Variants in RUFY1 observed in about 807,000 individuals in gnomAD.
RUFY1 encodes RUN and FYVE domain containing 1.
A neutral mutation model predicts 94.6 loss-of-function variants in RUFY1; 54 were observed. The observed-to-expected ratio is 0.57, with a 90% CI of 0.46 to 0.72. RUFY1 has a LOEUF of 0.72. Ranked by LOEUF, RUFY1 falls within the 30% of genes least tolerant of loss-of-function variation. RUFY1 has a pLI of 0.00. For synonymous variants in RUFY1, 396 were observed against 347.3 expected, an observed-to-expected ratio of 1.14 and a Z score of -1.56; for missense variants, 883 against 883.9, an observed-to-expected ratio of 1.00 and a Z score of 0.01.
chr5:179,609,602 A>C lies in RUFY1; in HGVS notation c.*83A>C. On this transcript the variant is annotated 3_prime_UTR_variant, in exon 18 of 18. Coordinates refer to ENST00000319449, the MANE Select transcript of RUFY1 (RefSeq NM_025158.5). ...GGGCTTGGGAAATGTGTTCTTTCCC[A>C]AGAGTATCAAAGGAAAGAATCAAAT... The C allele has an allele frequency of 7.6e-7, 1 of 1,315,874 alleles. No individual in the cohort carries two copies. Among genetic ancestry groups the C allele is most frequent in the Non-Finnish European group, 1.0e-6 (1 of 990,724 alleles). The allele number at this position is 1,315,874 out of a possible 1,614,324, so 81.5% of individuals were successfully genotyped here. A position where few individuals can be genotyped will look rare whatever the true frequency, so the allele number is the denominator to read the frequency against.
chr5:179,596,469 A>G lies in RUFY1; in HGVS notation c.1512-93A>G, dbSNP rs547948475. On this transcript the variant is annotated intron_variant, in intron 12 of 17. Coordinates refer to ENST00000319449, the MANE Select transcript of RUFY1 (RefSeq NM_025158.5). Reference sequence around the variant, plus strand: ...AACTCACAAGAGTTAATTTTACTGTATGGTAATTTTAAAAATGAATTTCAG... The same window carrying G: ...AACTCACAAGAGTTAATTTTACTGTGTGGTAATTTTAAAAATGAATTTCAG... 9 of 1,461,238 alleles carry G rather than the reference A, an allele frequency of 6.2e-6. No individual in the cohort carries two copies. In the East Asian group the frequency reaches 2.0e-4, roughly 33 times the overall value. 90.5% of individuals were successfully genotyped at this position (1,461,238 alleles called of 1,614,324 possible). A position where few individuals can be genotyped will look rare whatever the true frequency, so the allele number is the denominator to read the frequency against.
intron 16 of RUFY1, chr5:179,607,242 G>T: frequency 3.0e-6 from 1 of 336,566 alleles, no homozygotes; most frequent in Admixed American, 4.5e-5. Flanking sequence ...GTCTAGGGTT[G>T]CAGGCACCAG....
intron 8 of RUFY1, chr5:179,586,412 C>T (rs1279432998): frequency 2.2e-6 from 1 of 456,700 alleles, no homozygotes; most frequent in East Asian, 7.0e-5. Context: ...AGTCTCCTTG[C>T]TGGACACATC....
At chr5:179,565,997 G>A (rs1403521032) in intron 3 of RUFY1, among the ~76,000 whole-genome samples, 1 of 151,958 alleles carries the variant, frequency 6.6e-6, no homozygotes, top group African/African-American at 2.4e-5. Context: ...AAAATTAGTT[G>A]GGTGTGGTAG....
intron 7 of RUFY1, among the ~76,000 whole-genome samples, chr5:179,583,860 C>T (rs1764380202): frequency 6.6e-6 from 1 of 152,046 alleles, no homozygotes; most frequent in Non-Finnish European, 1.5e-5. Flanking sequence ...CGCCATTCTC[C>T]TGCCTCAGCC....
At chr5:179,559,237 A>G (rs1427603691) in intron 1 of RUFY1, among the ~76,000 whole-genome samples, 2 of 152,256 alleles carry the variant, frequency 1.3e-5, no homozygotes, top group African/African-American at 2.4e-5. Flanking sequence ...GCCAGCACGT[A>G]TAGATATCTG....
rs778907340 is a variant in RUFY1 at position 179,577,069 on chromosome 5, G to A, written c.829-6G>A. On this transcript the variant is annotated splice_region_variant and splice_polypyrimidine_tract_variant and intron_variant, in intron 5 of 17. Coordinates refer to ENST00000319449, the MANE Select transcript of RUFY1 (RefSeq NM_025158.5). ...TATTTAAACTTGTGCATTTTATTTC[G>A]TTTAGGTTGGAGTAATAGATTTTTC... is the stretch of plus-strand genomic sequence containing the variant. 3.2e-6 allele frequency: 5 copies of A among 1,544,932 alleles called. No individual in the cohort carries two copies. The highest frequency in any genetic ancestry group is 3.5e-6 in the Non-Finnish European group (4 of 1,131,244).
chr5:179,567,640 T>C lies in RUFY1; in HGVS notation c.704+78T>C, dbSNP rs554763689. The C allele has an allele frequency of 2.2e-4, 225 of 1,000,500 alleles. No homozygotes were observed. The African/African-American group carries it at 3.4e-3, about 15-fold the overall frequency. 62.0% of individuals were successfully genotyped at this position (1,000,500 alleles called of 1,614,324 possible). On this transcript the variant is annotated intron_variant, in intron 4 of 17. Transcript: ENST00000319449. ...TAGGCTGGGTGCGGTGGCTCACACC[T>C]GTAATCCCAGCACTTTGGGAGGCCA...
At chr5:179,552,894 G>C (rs150399121) in intron 1 of RUFY1, among the ~76,000 whole-genome samples, 1 of 152,264 alleles carries the variant, frequency 6.6e-6, no homozygotes, top group Non-Finnish European at 1.5e-5. Flanking sequence ...GTCCTTCAAA[G>C]GTGCCAGGCA....
intron 16 of RUFY1, 137 bp from the exon 17 acceptor site, chr5:179,607,445 G>T (rs192656649): frequency 3.7e-5 from 27 of 731,672 alleles, no homozygotes; most frequent in African/African-American, 3.3e-4. Flanking sequence ...AGTCCTGTGA[G>T]GCCCCATCTG....
intron 17 of RUFY1, 76 bp from the exon 18 acceptor site, chr5:179,609,300 T>C: frequency 6.7e-7 from 1 of 1,493,622 alleles, no homozygotes; most frequent in South Asian, 1.2e-5. Context: ...GATGCGCTTC[T>C]GGGTCAGGAA....
chr5:179,577,859 C>CA (rs35539667), intron 6 of RUFY1, among the ~76,000 whole-genome samples: 65,955 of 130,694 alleles, frequency 0.5, 17,211 homozygotes, highest in Non-Finnish European at 0.56. Flanking sequence ...TTCTCTGCAG[C>CA]AAAAAAAAAA....
At chr5:179,580,391 C>G (rs796735626) in intron 6 of RUFY1, among the ~76,000 whole-genome samples, 1 of 151,356 alleles carries the variant, frequency 6.6e-6, no homozygotes, top group Non-Finnish European at 1.5e-5. Flanking sequence ...TACAGGCGCC[C>G]GCCACCACGC....
At chr5:179,601,360 G>A (rs1225894347) in intron 14 of RUFY1, among the ~76,000 whole-genome samples, 1 of 151,754 alleles carries the variant, frequency 6.6e-6, no homozygotes, top group Non-Finnish European at 1.5e-5. Flanking sequence ...GTGGAGACAG[G>A]GTTGCACCAT....
chr5:179,593,363 G>T, intron 10 of RUFY1, 115 bp from the exon 11 acceptor site: 1 of 1,240,338 alleles, frequency 8.1e-7, no homozygotes, highest in Non-Finnish European at 1.1e-6. Flanking sequence ...ACAGGCATGA[G>T]CCACCACACC....
chr5:179,598,907 C>A (rs905964404), intron 14 of RUFY1, 86 bp downstream of exon 14: 2 of 1,506,608 alleles, frequency 1.3e-6, no homozygotes, highest in Non-Finnish European at 1.8e-6. Flanking sequence ...TCTCCCCGCA[C>A]CCTTTGTGTG....
intron 17 of RUFY1, 44 bp downstream of exon 17, chr5:179,607,703 GC>G (rs1411036471): frequency 6.6e-7 from 1 of 1,523,678 alleles, no homozygotes; most frequent in East Asian, 2.2e-5. Flanking sequence ...CTGAGTCGTT[GC>G]CCGCTGGATT....
intron 1 of RUFY1, 42 bp from the exon 2 acceptor site, chr5:179,559,983 G>A (rs1197446690): frequency 6.3e-7 from 1 of 1,590,342 alleles, no homozygotes. Flanking sequence ...ACCTCCCCAC[G>A]CTCAGTCCAC....
chr5:179,594,521 G>A (rs1313713901), intron 11 of RUFY1, among the ~76,000 whole-genome samples: 1 of 147,724 alleles, frequency 6.8e-6, no homozygotes, highest in African/African-American at 2.5e-5. Flanking sequence ...CAGCACTCTG[G>A]GAGGCCAAGG....
Sources: allele counts gnomAD v4.1 joint callset (sites outside exome capture counted in the v4.1 genomes callset), GRCh38; gene constraint gnomAD v4.1.1; transcripts MANE v1.5; gene names NCBI Gene and HGNC (gene_info 2026-07-23, HGNC 2026-07-21).